The following SH3GL2 variants were observed in gnomAD, a reference collection of about 807,000 sequenced individuals.
SH3GL2 encodes SH3 domain containing GRB2 like 2, endophilin A1, also known as endophilin-A1.
Under a neutral mutation model 46.0 loss-of-function variants are expected in SH3GL2, and 24 were observed. That is an observed-to-expected ratio of 0.52 (90% CI 0.38 to 0.73). The LOEUF (loss-of-function observed/expected upper bound fraction) is 0.73, where lower values mean the gene tolerates loss of function less well. Ranked by LOEUF, SH3GL2 falls within the 30% of genes least tolerant of loss-of-function variation. SH3GL2 has a pLI of 0.00. For missense variants in SH3GL2, 413 were observed against 424.2 expected (o/e 0.97, Z 0.23); for synonymous variants, 196 against 147.1 (o/e 1.33, Z -2.40).
chr9:17,784,212 T>A (rs1409367140), intron 3 of SH3GL2, among the ~76,000 whole-genome samples: 2 of 152,108 alleles, frequency 1.3e-5, no homozygotes, highest in Non-Finnish European at 2.9e-5. Context: ...TCCAAGATAC[T>A]CTTAGTAAAA....
At chr9:17,653,690 G>A (rs1820005840) in intron 1 of SH3GL2, among the ~76,000 whole-genome samples, 1 of 152,134 alleles carries the variant, frequency 6.6e-6, no homozygotes, top group African/African-American at 2.4e-5. Context: ...TCCTCGCCTT[G>A]TGAATGAGAC....
chr9:17,795,789 G>C lies in SH3GL2; in HGVS notation c.*46G>C. 6.8e-7 allele frequency: 1 copy of C among 1,476,530 alleles called. No homozygotes were observed. The highest frequency in any genetic ancestry group is 1.7e-5 in the Admixed American group (1 of 58,432). The allele number at this position is 1,476,530 out of a possible 1,614,324, so 91.5% of individuals were successfully genotyped here. ...GCCTCCTCTTGACCCAGATAGTTAC[G>C]GTTAACCACTGCTTTGGCAATGCTG... On this transcript the variant is annotated 3_prime_UTR_variant, in exon 9 of 9. Coordinates refer to ENST00000380607, the MANE Select transcript of SH3GL2 (RefSeq NM_003026.5).
chr9:17,671,411 A>T (rs1820471044), intron 1 of SH3GL2, among the ~76,000 whole-genome samples: 3 of 152,258 alleles, frequency 2.0e-5, no homozygotes, highest in Admixed American at 1.3e-4. Context: ...GGGGAAGGTT[A>T]TGAGGCGATA....
At chr9:17,658,864 C>T (rs1186792972) in intron 1 of SH3GL2, among the ~76,000 whole-genome samples, 1 of 152,192 alleles carries the variant, frequency 6.6e-6, no homozygotes, top group East Asian at 1.9e-4. Context: ...GAAAATCTGC[C>T]CTGGAAAATG....
intron 2 of SH3GL2, among the ~76,000 whole-genome samples, chr9:17,747,751 T>C (rs1822735312): frequency 6.6e-6 from 1 of 152,170 alleles, no homozygotes; most frequent in Non-Finnish European, 1.5e-5. Flanking sequence ...CTTGGCTCAC[T>C]GCAACCTCCG....
At chr9:17,625,096 G>A (rs1479298940) in intron 1 of SH3GL2, among the ~76,000 whole-genome samples, 2 of 152,110 alleles carry the variant, frequency 1.3e-5, no homozygotes, top group Admixed American at 1.3e-4. Flanking sequence ...GGGCTGGCCT[G>A]CATTTTAATG....
chr9:17,616,784 CTTA>C (rs947307567), intron 1 of SH3GL2, among the ~76,000 whole-genome samples: 1 of 151,822 alleles, frequency 6.6e-6, no homozygotes, highest in African/African-American at 2.4e-5. Context: ...ATTTTTGCAT[CTTA>C]TTGTCTGATT....
At chr9:17,629,274 T>C (rs753213184) in intron 1 of SH3GL2, among the ~76,000 whole-genome samples, 1 of 152,194 alleles carries the variant, frequency 6.6e-6, no homozygotes, top group Non-Finnish European at 1.5e-5. Context: ...TTTTGATAAG[T>C]TATTATAATT....
intron 1 of SH3GL2, among the ~76,000 whole-genome samples, chr9:17,718,175 T>G (rs1446361472): frequency 6.6e-6 from 1 of 152,108 alleles, no homozygotes; most frequent in East Asian, 1.9e-4. Context: ...TACAGAGAAA[T>G]AGAAAACAAT....
intron 1 of SH3GL2, among the ~76,000 whole-genome samples, chr9:17,618,198 A>G (rs756797651): frequency 1.3e-5 from 2 of 152,170 alleles, no homozygotes; most frequent in East Asian, 1.9e-4. Context: ...ACGACTGGAA[A>G]GGTGCTACCA....
chr9:17,718,045 AGTGAAT>A (rs368110801), intron 1 of SH3GL2, among the ~76,000 whole-genome samples: 1 of 152,284 alleles, frequency 6.6e-6, no homozygotes, highest in African/African-American at 2.4e-5. Flanking sequence ...ACTTGTACCC[AGTGAAT>A]TCTCACATGA....
At chr9:17,766,630 A>C (rs921883877) in intron 3 of SH3GL2, among the ~76,000 whole-genome samples, 1 of 152,232 alleles carries the variant, frequency 6.6e-6, no homozygotes, top group Non-Finnish European at 1.5e-5. Flanking sequence ...TTAACCCATT[A>C]TAGCCAAAAT....
At chr9:17,784,899 A>G (rs565079001) in intron 3 of SH3GL2, among the ~76,000 whole-genome samples, 1 of 152,216 alleles carries the variant, frequency 6.6e-6, no homozygotes, top group Non-Finnish European at 1.5e-5. Flanking sequence ...TTTTCTGTAG[A>G]AATGGGGTCT....
At chr9:17,641,672 T>G (rs948566819) in intron 1 of SH3GL2, among the ~76,000 whole-genome samples, 1 of 152,182 alleles carries the variant, frequency 6.6e-6, no homozygotes, top group Non-Finnish European at 1.5e-5. Flanking sequence ...CACCCATTTA[T>G]GAGTGAGAAC....
At chr9:17,642,399 T>C (rs896673135) in intron 1 of SH3GL2, among the ~76,000 whole-genome samples, 1 of 152,228 alleles carries the variant, frequency 6.6e-6, no homozygotes, top group Admixed American at 6.5e-5. Flanking sequence ...TTGCCATTGC[T>C]TTTGGTGTTT....
At chr9:17,674,700 G>A (rs1381008871) in intron 1 of SH3GL2, among the ~76,000 whole-genome samples, 3 of 152,120 alleles carry the variant, frequency 2.0e-5, no homozygotes, top group Non-Finnish European at 4.4e-5. Context: ...CCCAGCTGAA[G>A]GTAGAAGGTC....
intron 1 of SH3GL2, among the ~76,000 whole-genome samples, chr9:17,624,622 T>G (rs1261884077): frequency 3.9e-5 from 6 of 152,204 alleles, no homozygotes; most frequent in Non-Finnish European, 7.3e-5. Context: ...CAAATTTGAG[T>G]TGGCTAGTGG....
chr9:17,636,041 T>C (rs1308483694), intron 1 of SH3GL2, among the ~76,000 whole-genome samples: 2 of 152,208 alleles, frequency 1.3e-5, no homozygotes, highest in Non-Finnish European at 2.9e-5. Context: ...GGCACAAAGT[T>C]TGATTATCTT....
intron 3 of SH3GL2, among the ~76,000 whole-genome samples, chr9:17,779,682 A>G (rs1054916699): frequency 6.6e-6 from 1 of 152,142 alleles, no homozygotes; most frequent in African/African-American, 2.4e-5. Flanking sequence ...TTTCATCTTC[A>G]TTTGGGGGCA....
Sources: allele counts gnomAD v4.1 joint callset (sites outside exome capture counted in the v4.1 genomes callset), GRCh38; gene constraint gnomAD v4.1.1; transcripts MANE v1.5; gene names NCBI Gene and HGNC (gene_info 2026-07-23, HGNC 2026-07-21).